COL20A1: variants seen among roughly 807,000 people sequenced by gnomAD.
COL20A1 encodes collagen type XX alpha 1 chain.
Under a neutral mutation model 152.9 loss-of-function variants are expected in COL20A1, and 164 were observed. That is an observed-to-expected ratio of 1.07 (90% CI 0.94 to 1.22). The LOEUF is 1.22. COL20A1 is among the 50% of genes most tolerant of loss of function. COL20A1 has a pLI of 0.00. For synonymous variants in COL20A1, 864 were observed against 756.0 expected, an observed-to-expected ratio of 1.14 and a Z score of -2.34; for missense variants, 1,873 against 1,744.8, an observed-to-expected ratio of 1.07 and a Z score of -1.31.
At position 63,311,402 on chromosome 20, in the gene COL20A1, C is replaced by A. The variant is rs867612189; in HGVS notation, c.1402C>A (p.Pro468Thr). The A allele has an allele frequency of 6.3e-7, 1 of 1,582,870 alleles. No homozygotes were observed. Among genetic ancestry groups the A allele is most frequent in the Non-Finnish European group, 8.6e-7 (1 of 1,165,662 alleles). Residue 468 changes from proline to threonine, a missense_variant, in exon 12 of 36, where the codon CCT (proline) becomes ACT (threonine). Coordinates refer to ENST00000358894, the MANE Select transcript of COL20A1 (RefSeq NM_020882.4). This position sits in a 1 kb window ranked among gnomAD's most constrained non-coding sequence, Gnocchi z 4.4. ...CCTGCATGGCCCCCCAGCACCTCTGCCTCCGCCCCGGGCGCTGACCCTGGC... is the reference window on the plus strand; with the variant it reads ...CCTGCATGGCCCCCCAGCACCTCTGACTCCGCCCCGGGCGCTGACCCTGGC... ...LRGLVTTAPL[P>T]PPRALTLAAV...
intron 10 of COL20A1, 33 bp from the exon 11 acceptor site, chr20:63,310,348 T>C: frequency 6.2e-7 from 1 of 1,607,838 alleles, no homozygotes; most frequent in Admixed American, 1.7e-5. Flanking sequence ...GGCACCCCCC[T>C]TCCTGGCTCC....
chr20:63,326,815 G>A lies in COL20A1; in HGVS notation c.3520G>A (p.Gly1174Arg), dbSNP rs2068256683. The change falls in exon 31 of 36, where the codon GGG becomes AGG. Residue 1174 changes from glycine to arginine, a missense_variant. Physicochemically the swap from Gly to Arg is moderately radical, Grantham distance 125 (BLOSUM62 -2). Transcript: ENST00000358894. ...AGAGCGAGGACCTCCAGGGACCGTG[G>A]GGCCCACAGTAAGTGCATTTCCAAC... ...SGERGPPGTV[G>R]PTGLPGPKGE... 6.7e-7 allele frequency: 1 copy of A among 1,501,182 alleles called. No homozygotes were observed. Among genetic ancestry groups the A allele is most frequent in the East Asian group, 2.7e-5 (1 of 36,712 alleles). 93.0% of individuals were successfully genotyped at this position (1,501,182 alleles called of 1,614,324 possible). A position where few individuals can be genotyped will look rare whatever the true frequency, so the allele number is the denominator to read the frequency against.
At chr20:63,298,319 C>G (rs2067825087) in intron 3 of COL20A1, among the ~76,000 whole-genome samples, 3 of 152,128 alleles carry the variant, frequency 2.0e-5, no homozygotes, top group African/African-American at 7.2e-5. Flanking sequence ...AAGGCAGGGT[C>G]TTGCTGTGTT....
At position 63,313,994 on chromosome 20, in the gene COL20A1, G is replaced by A. The variant is rs111627030; in HGVS notation, c.2359-78G>A. ...GGTGGCAGCTCTGCCATGGCGGGAC[G>A]CAGAGGGAGGCAGCTGAGCCGCGTG... On this transcript the variant is annotated intron_variant, in intron 18 of 35. Coordinates refer to ENST00000358894, the MANE Select transcript of COL20A1 (RefSeq NM_020882.4). The surrounding 1 kb of genome is among the most constrained non-coding windows in gnomAD (Gnocchi z 5.9). The A allele has an allele frequency of 6.9e-4, 1,105 of 1,604,016 alleles. 14 individuals are homozygous for A. In the African/African-American group the frequency reaches 0.012, roughly 17 times the overall value.
chr20:63,318,438 C>G (rs530285599), intron 21 of COL20A1, among the ~76,000 whole-genome samples: 1 of 152,270 alleles, frequency 6.6e-6, no homozygotes, highest in Non-Finnish European at 1.5e-5. Flanking sequence ...ATCAGAGGCC[C>G]GAGACCCTGC....
intron 11 of COL20A1, among the ~76,000 whole-genome samples, chr20:63,310,900 A>T (rs943813373): frequency 5.3e-5 from 8 of 152,094 alleles, no homozygotes; most frequent in African/African-American, 1.9e-4. Flanking sequence ...CACACCATAC[A>T]ACCTGCCCAT....
intron 27 of COL20A1, among the ~76,000 whole-genome samples, chr20:63,322,431 C>T (rs2068177832): frequency 6.6e-6 from 1 of 152,222 alleles, no homozygotes; most frequent in South Asian, 2.1e-4. Context: ...GGCCACCTGT[C>T]CTATTGGCCC....
rs544340501 is a variant in COL20A1 at position 63,310,279 on chromosome 20, G to A, written c.1264-102G>A. On this transcript the variant is annotated intron_variant, in intron 10 of 35. Coordinates refer to ENST00000358894, the MANE Select transcript of COL20A1 (RefSeq NM_020882.4). ...GCCTGTGGGAAGTGGGGCACCCTGC[G>A]GGCCCCAGCTGAGCTCACACTCCAG... 8.2e-5 allele frequency: 111 copies of A among 1,352,362 alleles called. 1 individual carries two copies. The highest frequency in any genetic ancestry group is 7.7e-4 in the South Asian group (60 of 77,602). 83.8% of individuals were successfully genotyped at this position (1,352,362 alleles called of 1,614,324 possible).
intron 1 of COL20A1, among the ~76,000 whole-genome samples, chr20:63,294,581 C>T (rs1426463716): frequency 6.6e-6 from 1 of 152,154 alleles, no homozygotes; most frequent in Non-Finnish European, 1.5e-5. Flanking sequence ...CCCACCCGCT[C>T]CCCACTCCTA....
Position 63,295,086 on chromosome 20 carries a change from TC to T in COL20A1, c.-10-9del. The T allele has an allele frequency of 6.5e-7, 1 of 1,529,820 alleles. No individual in the cohort carries two copies. The highest frequency in any genetic ancestry group is 8.8e-7 in the Non-Finnish European group (1 of 1,131,232). The allele number at this position is 1,529,820 out of a possible 1,614,324, so 94.8% of individuals were successfully genotyped here. Reference sequence around the variant, plus strand: ...GGGACGGCTGAAGGGCATGGCCTCTTCCCTGCCACAGCCCGAGCACCATGAG... The same window carrying T: ...GGGACGGCTGAAGGGCATGGCCTCTTCCTGCCACAGCCCGAGCACCATGAG... On this transcript the variant is annotated splice_polypyrimidine_tract_variant and intron_variant, in intron 1 of 35. Transcript: ENST00000358894.
intron 26 of COL20A1, 117 bp downstream of exon 26, chr20:63,321,216 A>G: frequency 1.5e-6 from 1 of 651,642 alleles, no homozygotes. Context: ...GTCCTGCCGC[A>G]GAGTTGGGAT....
chr20:63,318,964 G>A, intron 21 of COL20A1, 94 bp from the exon 22 acceptor site: 1 of 954,774 alleles, frequency 1.0e-6, no homozygotes, highest in Non-Finnish European at 1.7e-6. Flanking sequence ...TCAGGGACTG[G>A]CACTGGGGCT....
intron 27 of COL20A1, 92 bp from the exon 28 acceptor site, chr20:63,325,349 A>G (rs959075059): frequency 1.2e-5 from 12 of 969,794 alleles, no homozygotes; most frequent in Non-Finnish European, 2.0e-5. Context: ...AGGGCCGTGC[A>G]GTCCAGGGGC....
At chr20:63,328,831 GTCCTCCTT>G (rs1179227323) in intron 34 of COL20A1, among the ~76,000 whole-genome samples, 2 of 64,692 alleles carry the variant, frequency 3.1e-5, no homozygotes, top group Non-Finnish European at 6.3e-5. Flanking sequence ...CCGCCCTCCT[GTCCTCCTT>G]GTCCTCCCCA....
In COL20A1 at chr20:63,308,667, C is replaced by G. The variant is rs541042494; in HGVS notation, c.901C>G (p.Arg301Gly). The part of the protein sequence containing the change: ...KSQDDVHTAA[R>G]VLKDLGVNVF... ...CCAGGACGATGTGCACACTGCTGCC[C>G]GTGTCCTCAAGGACCTGGGCGTGAA... Residue 301 changes from arginine to glycine, a missense_variant, in exon 8 of 36, where the codon CGT (arginine) becomes GGT (glycine). Physicochemically the swap from Arg to Gly is moderately radical, Grantham distance 125. Coordinates refer to ENST00000358894, the MANE Select transcript of COL20A1 (RefSeq NM_020882.4). 5 of 1,607,062 alleles carry G rather than the reference C, an allele frequency of 3.1e-6. No homozygotes were observed. Among genetic ancestry groups the G allele is most frequent in the Admixed American group, 1.7e-5 (1 of 59,382 alleles).
chr20:63,309,786 T>C lies in COL20A1; in HGVS notation c.1134T>C (p.Pro378=). The C allele has an allele frequency of 6.3e-7, 1 of 1,598,796 alleles. No homozygotes were observed. The highest frequency in any genetic ancestry group is 8.5e-7 in the Non-Finnish European group (1 of 1,173,948). ...CGGCTCCAGCCCTGGACACCCTCCC[T>C]GCCCCCACCAGCCTGGTCCTGAGCC... ...PAAAPALDTL[P]APTSLVLSQV... is the part of the protein sequence containing the mutation. Residue 378 remains proline, a synonymous_variant, in exon 10 of 36, where the codon CCT becomes CCC. Transcript: ENST00000358894.
chr20:63,314,807 C>G (rs2068062822), intron 19 of COL20A1, among the ~76,000 whole-genome samples: 1 of 150,916 alleles, frequency 6.6e-6, no homozygotes. Context: ...CTCCCTGGCC[C>G]CCAGGACACG....
chr20:63,298,721 C>T (rs1331416586), intron 3 of COL20A1, among the ~76,000 whole-genome samples: 1 of 152,232 alleles, frequency 6.6e-6, no homozygotes, highest in African/African-American at 2.4e-5. Flanking sequence ...TTTCCAGGAG[C>T]AGGGCCTTGA....
At chr20:63,308,325 C>T (rs1446324479) in intron 7 of COL20A1, among the ~76,000 whole-genome samples, 3 of 152,226 alleles carry the variant, frequency 2.0e-5, no homozygotes, top group East Asian at 1.9e-4. Context: ...GGTCCACACC[C>T]GGCCCAGTCT....
Sources: gnomAD v4.1 joint callset for allele counts (sites outside exome capture counted in the v4.1 genomes callset) on GRCh38, gnomAD v4.1.1 for gene constraint, Gnocchi (gnomAD v3.1) non-coding constraint, MANE v1.5 for transcripts, NCBI Gene and HGNC (gene_info 2026-07-23, HGNC 2026-07-21) for gene names.